FBXO9: variants seen among roughly 807,000 people sequenced by gnomAD.
The protein encoded by FBXO9 is F-box only protein 9.
A neutral mutation model predicts 63.7 loss-of-function variants in FBXO9; 43 were observed. The ratio of observed to expected loss-of-function variants is 0.67; its 90% CI spans 0.53 to 0.87. The LOEUF is 0.87. Among genes scored for constraint, FBXO9 ranks in the 40% least tolerant of loss-of-function variants. The probability of loss-of-function intolerance (pLI) is 0.00; values close to 1 mark genes in which losing one functional copy is unlikely to be tolerated. For synonymous variants in FBXO9, 156 were observed against 171.7 expected (o/e 0.91, Z 0.72); for missense variants, 442 against 533.2 (o/e 0.83, Z 1.68).
At chr6:53,093,058 C>T in intron 9 of FBXO9, 1 of 421,698 alleles carries the variant, frequency 2.4e-6, no homozygotes, top group East Asian at 3.6e-5. Flanking sequence ...TATTTACTTG[C>T]CTTTTCAAAT....
chr6:53,066,334 TG>T (rs1343139190), intron 1 of FBXO9, among the ~76,000 whole-genome samples: 1 of 152,106 alleles, frequency 6.6e-6, no homozygotes, highest in East Asian at 1.9e-4. Flanking sequence ...CAGGCGGTCC[TG>T]GCGGAGTGGG....
At chr6:53,090,498 C>A (rs1432236921) in intron 7 of FBXO9, among the ~76,000 whole-genome samples, 2 of 152,010 alleles carry the variant, frequency 1.3e-5, no homozygotes, top group Admixed American at 1.3e-4. Flanking sequence ...ATTTGCCTAG[C>A]TTAAAAACAA....
At chr6:53,086,071 C>G (rs961056426) in intron 7 of FBXO9, among the ~76,000 whole-genome samples, 4 of 152,200 alleles carry the variant, frequency 2.6e-5, no homozygotes, top group African/African-American at 7.2e-5. Context: ...ATCGCTTGAA[C>G]CCGGTAGGCG....
intron 7 of FBXO9, among the ~76,000 whole-genome samples, chr6:53,088,618 G>C (rs887161962): frequency 7.2e-6 from 1 of 139,234 alleles, no homozygotes; most frequent in African/African-American, 2.7e-5. Context: ...TTTTCCTTTT[G>C]AGGACAGTCT....
chr6:53,069,073 G>A (rs547036001), intron 1 of FBXO9, among the ~76,000 whole-genome samples: 1 of 152,324 alleles, frequency 6.6e-6, no homozygotes, highest in East Asian at 1.9e-4. Context: ...GAGCTCAGGA[G>A]TTTGAGGCCA....
chr6:53,068,045 A>G (rs1424638545), intron 1 of FBXO9: 1 of 152,126 alleles, frequency 6.6e-6, no homozygotes, highest in Non-Finnish European at 1.5e-5. Context: ...GTGCAAGTAT[A>G]TCTGGTAGCT....
At position 53,099,050 on chromosome 6, in the gene FBXO9, A is replaced by T. The variant is rs1763287045; in HGVS notation, c.*1220A>T. ...TTACTTTTAATTGACATTAAGAGAC[A>T]CTTCATAGGTTCCCACAATTCAGTA... On this transcript the variant is annotated 3_prime_UTR_variant, in exon 13 of 13. Transcript: ENST00000323557. The T allele has an allele frequency of 6.6e-6, 1 of 152,120 alleles. No homozygotes were observed. The highest frequency in any genetic ancestry group is 1.5e-5 in the Non-Finnish European group (1 of 68,036). The allele number at this position is 152,120 out of a possible 1,614,324, so 9.4% of individuals were successfully genotyped here. A position where few individuals can be genotyped will look rare whatever the true frequency, so the allele number is the denominator to read the frequency against.
At chr6:53,087,556 C>T (rs1374895009) in intron 7 of FBXO9, among the ~76,000 whole-genome samples, 1 of 151,880 alleles carries the variant, frequency 6.6e-6, no homozygotes, top group Non-Finnish European at 1.5e-5. Context: ...AGTGGTACAG[C>T]AAAAGTTGAA....
Position 53,093,865 on chromosome 6 carries a change from ATTTG to A in FBXO9, c.960-16_960-13del, listed in dbSNP as rs780036240. On this transcript the variant is annotated splice_polypyrimidine_tract_variant and intron_variant, in intron 10 of 12. Coordinates refer to ENST00000323557, the MANE Select transcript of FBXO9 (RefSeq NM_033480.3). ...CCACTTAATAACTGATTTAGATTCA[ATTTG>A]TTTTTTTTTTTTAAGGACTGATGCA... The A allele has an allele frequency of 1.4e-6, 2 of 1,439,226 alleles. No homozygotes were observed. Among genetic ancestry groups the A allele is most frequent in the African/African-American group, 3.0e-5 (2 of 67,758 alleles). The allele number at this position is 1,439,226 out of a possible 1,614,324, so 89.2% of individuals were successfully genotyped here.
At chr6:53,097,637 A>G (rs1763247648) in intron 12 of FBXO9, 85 bp from the exon 13 acceptor site, 2 of 710,886 alleles carry the variant, frequency 2.8e-6, no homozygotes, top group Admixed American at 2.8e-5. Context: ...AGGCTAAAGC[A>G]TAGAATAACC....
chr6:53,089,397 C>T (rs896724401), intron 7 of FBXO9, among the ~76,000 whole-genome samples: 3 of 152,082 alleles, frequency 2.0e-5, no homozygotes, highest in Non-Finnish European at 4.4e-5. Flanking sequence ...TTTTAATTAG[C>T]CATCTTCTGC....
intron 1 of FBXO9, chr6:53,066,245 G>GGCCC (rs1768694401): frequency 2.8e-6 from 2 of 708,714 alleles, no homozygotes; most frequent in South Asian, 6.3e-5. Context: ...CCCACCGACA[G>GGCCC]TCCCTGCCGG....
chr6:53,074,433 T>C (rs908039998), intron 3 of FBXO9, among the ~76,000 whole-genome samples: 7 of 152,212 alleles, frequency 4.6e-5, no homozygotes, highest in Non-Finnish European at 1.0e-4. Flanking sequence ...ATAACTATAG[T>C]ACAATATCAA....
intron 2 of FBXO9, among the ~76,000 whole-genome samples, chr6:53,071,944 A>T (rs185139376): frequency 6.6e-6 from 1 of 152,248 alleles, no homozygotes; most frequent in Non-Finnish European, 1.5e-5. Flanking sequence ...GTAATGATGC[A>T]TCCATACAGT....
intron 7 of FBXO9, among the ~76,000 whole-genome samples, chr6:53,087,995 C>T (rs1430694471): frequency 6.6e-6 from 1 of 152,174 alleles, no homozygotes; most frequent in African/African-American, 2.4e-5. Flanking sequence ...CTGTTGTATA[C>T]CTTCCTCTTT....
intron 9 of FBXO9, 46 bp from the exon 10 acceptor site, chr6:53,093,420 C>T (rs755866757): frequency 2.2e-6 from 3 of 1,341,996 alleles, no homozygotes; most frequent in Non-Finnish European, 3.2e-6. Flanking sequence ...ATATTTTATA[C>T]TTTGTGTGGG....
At chr6:53,084,521 G>A (rs1459070858) in intron 7 of FBXO9, among the ~76,000 whole-genome samples, 1 of 152,198 alleles carries the variant, frequency 6.6e-6, no homozygotes, top group East Asian at 1.9e-4. Flanking sequence ...CATGGGAAAA[G>A]CTGTCTACAG....
At chr6:53,073,666 T>C in intron 3 of FBXO9, 27 bp downstream of exon 3, 1 of 1,369,630 alleles carries the variant, frequency 7.3e-7, no homozygotes, top group Non-Finnish European at 9.3e-7. Flanking sequence ...TTGTAACAAA[T>C]TACATTTTTT....
chr6:53,095,739 A>C, intron 12 of FBXO9, 75 bp downstream of exon 12: 2 of 1,376,590 alleles, frequency 1.5e-6, no homozygotes, highest in Non-Finnish European at 2.0e-6. Context: ...AATTTCAGAT[A>C]TGTTTCTAAT....
Sources: allele counts gnomAD v4.1 joint callset (sites outside exome capture counted in the v4.1 genomes callset), GRCh38; gene constraint gnomAD v4.1.1; transcripts MANE v1.5; gene names NCBI Gene and HGNC (gene_info 2026-07-23, HGNC 2026-07-21).